DSCAML1: variants seen among roughly 807,000 people sequenced by gnomAD.
The protein encoded by DSCAML1 is cell adhesion molecule DSCAML1.
A neutral mutation model predicts 200.5 loss-of-function variants in DSCAML1; 38 were observed. The ratio of observed to expected loss-of-function variants is 0.19; its 90% confidence interval spans 0.15 to 0.25. The LOEUF (loss-of-function observed/expected upper bound fraction) is 0.25. Ranked by LOEUF, DSCAML1 falls within the 10% of genes least tolerant of loss-of-function variation. The pLI is 1.00. For synonymous variants in DSCAML1, 1,215 were observed against 1,165.0 expected, an observed-to-expected ratio of 1.04 and a Z score of -0.87; for missense variants, 2,223 against 2,858.8, an observed-to-expected ratio of 0.78 and a Z score of 5.07.
chr11:117,466,012 C>T (rs375400817), intron 16 of DSCAML1, among the ~76,000 whole-genome samples: 8 of 152,100 alleles, frequency 5.3e-5, no homozygotes, highest in Admixed American at 3.3e-4. Flanking sequence ...AAAGAGGCAC[C>T]GCTACCATGG....
rs769331754 is a variant in DSCAML1 at position 117,482,116 on chromosome 11, C to G, written c.2406G>C (p.Lys802Asn). Residue 802 changes from lysine to asparagine, a missense_variant, in exon 12 of 33, where the codon AAG becomes AAC. Lys to Asn is a moderately conservative substitution (Grantham distance 94). Coordinates refer to ENST00000651296, the MANE Select transcript of DSCAML1 (RefSeq NM_020693.4). ...TSHPNTTIAI[K>N]GHAKELNCTA... ...TGCAGTTTAGCTCCTTCGCATGGCC[C>G]TTGATGGCGATGGTGGTGTTGGGGT... The G allele has an allele frequency of 1.2e-6, 2 of 1,614,164 alleles. No individual in the cohort carries two copies. Among genetic ancestry groups the G allele is most frequent in the Non-Finnish European group, 1.7e-6 (2 of 1,180,002 alleles).
chr11:117,766,989 C>T (rs573647114), intron 3 of DSCAML1, among the ~76,000 whole-genome samples: 63 of 152,276 alleles, frequency 4.1e-4, no homozygotes, highest in African/African-American at 1.4e-3. Context: ...CCCTCCCTGG[C>T]TGTGTGACCT....
At chr11:117,608,493 T>A (rs1157821927) in intron 3 of DSCAML1, among the ~76,000 whole-genome samples, 1 of 152,224 alleles carries the variant, frequency 6.6e-6, no homozygotes, top group African/African-American at 2.4e-5. Context: ...GTTGAGACTA[T>A]CTTGTACATG....
At chr11:117,703,935 C>T (rs542715586) in intron 3 of DSCAML1, among the ~76,000 whole-genome samples, 2 of 152,320 alleles carry the variant, frequency 1.3e-5, no homozygotes, top group Non-Finnish European at 2.9e-5. Flanking sequence ...CAACTCTTCT[C>T]TTGTATTAAT....
chr11:117,473,172 A>G (rs1490844340), intron 14 of DSCAML1, among the ~76,000 whole-genome samples: 1 of 151,720 alleles, frequency 6.6e-6, no homozygotes, highest in Non-Finnish European at 1.5e-5. Flanking sequence ...ACATTCTAGA[A>G]AGACTAAAAA....
chr11:117,597,329 C>A (rs369258949), intron 3 of DSCAML1, among the ~76,000 whole-genome samples: 22 of 152,196 alleles, frequency 1.4e-4, no homozygotes, highest in African/African-American at 4.1e-4. Flanking sequence ...GCTAGAAACA[C>A]CTCTGCAAGA....
At chr11:117,671,007 G>C (rs1179394312) in intron 3 of DSCAML1, among the ~76,000 whole-genome samples, 1 of 152,178 alleles carries the variant, frequency 6.6e-6, no homozygotes, top group Non-Finnish European at 1.5e-5. Flanking sequence ...GCTGCCCGTT[G>C]AAAGAGGTGC....
intron 11 of DSCAML1, among the ~76,000 whole-genome samples, chr11:117,491,232 A>C (rs1233088805): frequency 6.6e-6 from 1 of 152,228 alleles, no homozygotes; most frequent in Non-Finnish European, 1.5e-5. Flanking sequence ...ATTCATGGGC[A>C]TGACTACGAT....
intron 8 of DSCAML1, among the ~76,000 whole-genome samples, chr11:117,510,872 G>A (rs1374036396): frequency 1.3e-5 from 2 of 152,180 alleles, no homozygotes; most frequent in Non-Finnish European, 2.9e-5. Flanking sequence ...GAGGAAGTAA[G>A]GTTGTTGGCA....
chr11:117,708,344 G>A (rs1280374904), intron 3 of DSCAML1, among the ~76,000 whole-genome samples: 1 of 152,210 alleles, frequency 6.6e-6, no homozygotes, highest in Admixed American at 6.5e-5. Flanking sequence ...ATCTGTCTTT[G>A]TATAAACCTG....
Position 117,518,620 on chromosome 11 carries a change from G to A in DSCAML1, c.1356C>T (p.Gly452=). 4 of 1,613,588 alleles carry A rather than the reference G, an allele frequency of 2.5e-6. No homozygotes were observed. Among genetic ancestry groups the A allele is most frequent in the East Asian group, 2.2e-5 (1 of 44,878 alleles). ...TGGTGTACTGGTTGGTGCGGTGGCT[G>A]CCATCCCGCACGATGGGCTCATCGT... ...ALDDEPIVRD[G]SHRTNQYTMS... Residue 452 remains glycine (G), a synonymous_variant, in exon 7 of 33, where the codon GGC becomes GGT. Coordinates refer to ENST00000651296, the MANE Select transcript of DSCAML1 (RefSeq NM_020693.4). This position sits in a 1 kb window ranked among gnomAD's most constrained non-coding sequence, Gnocchi z 6.3.
At chr11:117,534,786 A>T (rs577186324) in intron 3 of DSCAML1, among the ~76,000 whole-genome samples, 1 of 152,232 alleles carries the variant, frequency 6.6e-6, no homozygotes, top group Admixed American at 6.5e-5. Context: ...GCTAAAAAAA[A>T]ATTTTTGTAG....
intron 3 of DSCAML1, among the ~76,000 whole-genome samples, chr11:117,658,345 T>C (rs1324331980): frequency 6.6e-6 from 1 of 152,188 alleles, no homozygotes; most frequent in Non-Finnish European, 1.5e-5. Flanking sequence ...CACAGTCTGA[T>C]GTGAGGAGAC....
At chr11:117,620,311 G>A (rs2051901532) in intron 3 of DSCAML1, among the ~76,000 whole-genome samples, 1 of 152,012 alleles carries the variant, frequency 6.6e-6, no homozygotes, top group South Asian at 2.1e-4. Flanking sequence ...CTAACAAATT[G>A]TTCTCTTTAC....
At chr11:117,580,009 G>A (rs1335086625) in intron 3 of DSCAML1, among the ~76,000 whole-genome samples, 1 of 152,032 alleles carries the variant, frequency 6.6e-6, no homozygotes, top group African/African-American at 2.4e-5. Context: ...TTTGCTTCCT[G>A]GAGACACGGT....
At chr11:117,594,309 A>C (rs1294860467) in intron 3 of DSCAML1, among the ~76,000 whole-genome samples, 1 of 152,250 alleles carries the variant, frequency 6.6e-6, no homozygotes, top group African/African-American at 2.4e-5. Flanking sequence ...TAGGCAAAGA[A>C]GGACATTTAG....
chr11:117,734,586 A>G (rs1004863898), intron 3 of DSCAML1, among the ~76,000 whole-genome samples: 9 of 152,006 alleles, frequency 5.9e-5, no homozygotes, highest in African/African-American at 2.2e-4. Flanking sequence ...TCAGAGCCCC[A>G]TCCCTGCACC....
intron 3 of DSCAML1, among the ~76,000 whole-genome samples, chr11:117,677,801 G>A (rs940585337): frequency 5.3e-5 from 8 of 152,200 alleles, no homozygotes; most frequent in African/African-American, 1.9e-4. Flanking sequence ...ACAGACAGGT[G>A]AAGGGACTTG....
At chr11:117,439,154 G>C (rs545815820) in intron 23 of DSCAML1, 112 bp downstream of exon 23, 10 of 1,464,438 alleles carry the variant, frequency 6.8e-6, no homozygotes, top group African/African-American at 5.6e-5. Flanking sequence ...CCAGAGGTCT[G>C]TCTCTCCCTT....
Sources: gnomAD v4.1 joint callset for allele counts (sites outside exome capture counted in the v4.1 genomes callset) on GRCh38, gnomAD v4.1.1 for gene constraint, Gnocchi (gnomAD v3.1) non-coding constraint, MANE v1.5 for transcripts, NCBI Gene and HGNC (gene_info 2026-07-23, HGNC 2026-07-21) for gene names.